The following SUPT6H variants were observed in gnomAD, a reference collection of about 807,000 sequenced individuals.
SUPT6H encodes the protein SPT6 homolog, histone chaperone and transcription elongation factor, also known as transcription elongation factor SPT6.
Under a neutral mutation model 222.3 loss-of-function variants are expected in SUPT6H, and 11 were observed. That is an observed-to-expected ratio of 0.05 (90% CI 0.03 to 0.08). The LOEUF is 0.08. Among genes scored for constraint, SUPT6H ranks in the 10% least tolerant of loss-of-function variants. The pLI, the probability that SUPT6H is intolerant of heterozygous loss-of-function variation, is 1.00. For missense variants in SUPT6H, 1,422 were observed against 2,216.0 expected, an observed-to-expected ratio of 0.64 and a Z score of 7.19; for synonymous variants, 762 against 801.2, an observed-to-expected ratio of 0.95 and a Z score of 0.83.
chr17:28,688,008 T>C lies in SUPT6H; in HGVS notation c.3007-83T>C. On this transcript the variant is annotated intron_variant, in intron 23 of 36. Coordinates refer to ENST00000314616, the MANE Select transcript of SUPT6H (RefSeq NM_003170.5). The surrounding 1 kb of genome is among the most constrained non-coding windows in gnomAD (Gnocchi z 4.3). Reference sequence around the variant, plus strand: ...ATACTGGGTGGGACAGAGTTTTTGTTATGAGGGTTTAATAGAGACTGGAAC... The same window carrying C: ...ATACTGGGTGGGACAGAGTTTTTGTCATGAGGGTTTAATAGAGACTGGAAC... 3 of 1,413,926 alleles carry C rather than the reference T, an allele frequency of 2.1e-6. No individual in the cohort carries two copies. The highest frequency in any genetic ancestry group is 2.6e-5 in the Admixed American group (1 of 38,416). The allele number at this position is 1,413,926 out of a possible 1,614,324, so 87.6% of individuals were successfully genotyped here. A position where few individuals can be genotyped will look rare whatever the true frequency, so the allele number is the denominator to read the frequency against.
Position 28,662,236 on chromosome 17 carries a change from AG to A in SUPT6H, c.-134del. The A allele has an allele frequency of 4.8e-6, 1 of 210,244 alleles. No homozygotes were observed. Among genetic ancestry groups the A allele is most frequent in the Non-Finnish European group, 9.8e-6 (1 of 101,640 alleles). The allele number at this position is 210,244 out of a possible 1,614,324, so 13.0% of individuals were successfully genotyped here. ...GCAGCAGCGGCGGCGGTGGCGGCGG[AG>A]GGGCCGTGCGGTGGGTCCGTACTAT... On this transcript the variant is annotated 5_prime_UTR_variant, in exon 1 of 37. Coordinates refer to ENST00000314616, the MANE Select transcript of SUPT6H (RefSeq NM_003170.5).
In SUPT6H at chr17:28,701,021, C is replaced by T; in HGVS notation, c.4887C>T (p.Pro1629=). The change falls in exon 36 of 37, where the codon CCC becomes CCT. Residue 1629 remains proline, a synonymous_variant. Transcript: ENST00000314616. ...ACTCCTACACGACCCCAAGCCAGCC[C>T]ATCACCACCCCTCAGTACCACCAGC... ...PSYSYTTPSQ[P]ITTPQYHQLQ... is the part of the protein sequence containing the mutation. 1.2e-6 allele frequency: 2 copies of T among 1,614,210 alleles called. No homozygotes were observed. Among genetic ancestry groups the T allele is most frequent in the Admixed American group, 1.7e-5 (1 of 60,026 alleles).
At chr17:28,678,789 C>A in intron 10 of SUPT6H, 32 bp from the exon 11 acceptor site, 5 of 1,614,056 alleles carry the variant, frequency 3.1e-6, no homozygotes, top group Middle Eastern at 1.7e-4. Context: ...GGGCTGAACA[C>A]AAGCTCTCAT....
intron 24 of SUPT6H, 84 bp from the exon 25 acceptor site, chr17:28,689,270 A>G: frequency 7.6e-7 from 1 of 1,312,060 alleles, no homozygotes; most frequent in Non-Finnish European, 1.1e-6. Context: ...TAATTTATTT[A>G]ACCAGTTCCC....
chr17:28,664,757 T>C (rs2029916346), intron 1 of SUPT6H, among the ~76,000 whole-genome samples: 1 of 152,238 alleles, frequency 6.6e-6, no homozygotes, highest in Non-Finnish European at 1.5e-5. Flanking sequence ...GTTTTGGTTT[T>C]CTCATCATTG....
At chr17:28,699,956 A>G (rs902088408) in intron 33 of SUPT6H, 63 bp downstream of exon 33, 16 of 1,513,568 alleles carry the variant, frequency 1.1e-5, no homozygotes, top group Middle Eastern at 2.1e-4. Context: ...CCTGACTCAG[A>G]GTAGTCCCAG....
At chr17:28,676,029 T>G in intron 6 of SUPT6H, 128 bp from the exon 7 acceptor site, 1 of 1,074,308 alleles carries the variant, frequency 9.3e-7, no homozygotes, top group Non-Finnish European at 1.3e-6. Flanking sequence ...ACAGTGAATA[T>G]GGTTATTTTG....
intron 29 of SUPT6H, among the ~76,000 whole-genome samples, 158 bp from the exon 30 acceptor site, chr17:28,696,686 G>A (rs903552155): frequency 1.3e-5 from 2 of 151,188 alleles, no homozygotes; most frequent in African/African-American, 2.4e-5. Context: ...CCAGGAGTTC[G>A]AGGCTACAGT....
At chr17:28,672,523 C>G (rs2030485211) in intron 1 of SUPT6H, 1 of 151,950 alleles carries the variant, frequency 6.6e-6, no homozygotes, top group African/African-American at 2.4e-5. Flanking sequence ...AAACCATTCT[C>G]CTGCCTAAGC....
chr17:28,698,237 T>C (rs1176417724), intron 32 of SUPT6H, among the ~76,000 whole-genome samples: 1 of 152,178 alleles, frequency 6.6e-6, no homozygotes, highest in African/African-American at 2.4e-5. Flanking sequence ...AAGGGCGCTT[T>C]CCTTAACACC....
chr17:28,698,173 A>T (rs2032002411), intron 32 of SUPT6H, 143 bp downstream of exon 32: 1 of 1,220,310 alleles, frequency 8.2e-7, no homozygotes, highest in East Asian at 2.7e-5. Flanking sequence ...TGGAGGTTGG[A>T]GGTGGGAAAA....
At chr17:28,673,912 G>T (rs1007517864) in intron 2 of SUPT6H, among the ~76,000 whole-genome samples, 5 of 152,140 alleles carry the variant, frequency 3.3e-5, no homozygotes, top group Non-Finnish European at 4.4e-5. Flanking sequence ...CTTCAAAGGG[G>T]TAAAGGGACG....
chr17:28,697,218 T>G (rs2031967437), intron 30 of SUPT6H, 136 bp downstream of exon 30: 2 of 690,096 alleles, frequency 2.9e-6, no homozygotes, highest in Admixed American at 5.1e-5. Flanking sequence ...GGGAGGTGGT[T>G]TGCGGAATGA....
chr17:28,664,083 T>G (rs1362503972), intron 1 of SUPT6H, among the ~76,000 whole-genome samples: 1 of 152,114 alleles, frequency 6.6e-6, no homozygotes, highest in Non-Finnish European at 1.5e-5. Flanking sequence ...CTCTGCAATA[T>G]TCAACATAGT....
intron 28 of SUPT6H, chr17:28,695,047 C>G: frequency 3.4e-6 from 1 of 298,036 alleles, no homozygotes; most frequent in Non-Finnish European, 6.3e-6. Flanking sequence ...TTTGATGGCA[C>G]CTTGGGAGCA....
At chr17:28,662,967 A>G (rs2072088086) in intron 1 of SUPT6H, among the ~76,000 whole-genome samples, 1 of 152,156 alleles carries the variant, frequency 6.6e-6, no homozygotes, top group South Asian at 2.1e-4. Flanking sequence ...TCCATCTTCT[A>G]GTTTCTACCT....
chr17:28,667,403 G>GTAAATA (rs1432342239), intron 1 of SUPT6H, among the ~76,000 whole-genome samples: 1 of 42,352 alleles, frequency 2.4e-5, no homozygotes, highest in Non-Finnish European at 4.8e-5. Flanking sequence ...AAGTGTGTGT[G>GTAAATA]TGTATATATA....
intron 9 of SUPT6H, 63 bp from the exon 10 acceptor site, chr17:28,678,482 T>C (rs1348846844): frequency 6.7e-7 from 1 of 1,500,488 alleles, no homozygotes; most frequent in Non-Finnish European, 9.3e-7. Flanking sequence ...CATTATCTAC[T>C]GACAGAGGGG....
At chr17:28,700,032 C>T (rs1597723125) in intron 33 of SUPT6H, 139 bp downstream of exon 33, 1 of 1,408,820 alleles carries the variant, frequency 7.1e-7, no homozygotes, top group Non-Finnish European at 1.0e-6. Context: ...AGCCTCCCAG[C>T]ACCAGGAAGG....
Sources: allele counts gnomAD v4.1 joint callset (sites outside exome capture counted in the v4.1 genomes callset), GRCh38; gene constraint gnomAD v4.1.1; non-coding constraint Gnocchi (gnomAD v3.1); transcripts MANE v1.5; gene names NCBI Gene and HGNC (gene_info 2026-07-23, HGNC 2026-07-21).